The following ATXN7L3 variants were observed in gnomAD, a reference collection of about 807,000 sequenced individuals.
ATXN7L3 encodes the protein ataxin 7 like 3.
ATXN7L3 carries 6 observed loss-of-function variants against 50.0 expected under a neutral mutation model. The ratio of observed to expected loss-of-function variants is 0.12; its 90% confidence interval spans 0.07 to 0.24. The LOEUF is 0.24. Among genes scored for constraint, ATXN7L3 ranks in the 10% least tolerant of loss-of-function variants. ATXN7L3 has a pLI of 1.00. For missense variants in ATXN7L3, 322 were observed against 451.3 expected (o/e 0.71, Z 2.60); for synonymous variants, 198 against 165.8 (o/e 1.19, Z -1.49).
chr17:44,196,201 AG>A, intron 6 of ATXN7L3, 122 bp from the exon 7 acceptor site: 1 of 1,299,314 alleles, frequency 7.7e-7, no homozygotes, highest in Non-Finnish European at 1.1e-6. Flanking sequence ...CCTCCCCAGT[AG>A]GAGGCCTGTC....
intron 2 of ATXN7L3, 108 bp from the exon 3 acceptor site, chr17:44,197,838 G>T: frequency 6.4e-7 from 1 of 1,558,236 alleles, no homozygotes; most frequent in East Asian, 2.3e-5. Flanking sequence ...TGCTTTCTTT[G>T]CCATTTTCCC....
Position 44,199,615 on chromosome 17 carries a change from G to A in ATXN7L3, c.-180C>T, listed in dbSNP as rs1368397180. ...GTCGGTCCGTCCTCGCCTCTCCCCG[G>A]GGCCCAGGGCCCGGGGCCGGGGGGT... On this transcript the variant is annotated 5_prime_UTR_variant, in exon 1 of 13. Coordinates refer to ENST00000587097, the MANE Select transcript of ATXN7L3 (RefSeq NM_001382309.1). 1.4e-5 allele frequency: 2 copies of A among 146,238 alleles called. No homozygotes were observed. The highest frequency in any genetic ancestry group is 3.1e-5 in the Non-Finnish European group (2 of 65,426). 9.1% of individuals were successfully genotyped at this position (146,238 alleles called of 1,614,324 possible). A position where few individuals can be genotyped will look rare whatever the true frequency, so the allele number is the denominator to read the frequency against.
chr17:44,195,087 C>A lies in ATXN7L3; in HGVS notation c.665+10G>T. On this transcript the variant is annotated intron_variant, in intron 10 of 12. Coordinates refer to ENST00000587097, the MANE Select transcript of ATXN7L3 (RefSeq NM_001382309.1). ...AAGCGCCTGGCCCCCTTTCTAGGTTCTGTGCTCACCTTGTGCACATCTTCT... is the reference window on the plus strand; with the variant it reads ...AAGCGCCTGGCCCCCTTTCTAGGTTATGTGCTCACCTTGTGCACATCTTCT... 1.9e-6 allele frequency: 3 copies of A among 1,613,998 alleles called. No individual in the cohort carries two copies. The South Asian group carries it at 3.3e-5, about 18-fold the overall frequency.
rs571979527 is a variant in ATXN7L3, at chr17:44,194,180, C to T, written c.*83G>A. 36 of 1,528,444 alleles carry T rather than the reference C, an allele frequency of 2.4e-5. No homozygotes were observed. The highest frequency in any genetic ancestry group is 4.0e-5 in the Admixed American group (2 of 50,170). The allele number at this position is 1,528,444 out of a possible 1,614,324, so 94.7% of individuals were successfully genotyped here. ...TTCCCAAGCCCCAACCCCCAGCAGC[C>T]GTCCATTTGCCAGGCTATGCCACCT... On this transcript the variant is annotated 3_prime_UTR_variant, in exon 13 of 13. Transcript: ENST00000587097.
rs541650942 is a variant in ATXN7L3, at chr17:44,195,362, C to G, written c.621+57G>C. 13 of 1,554,646 alleles carry G rather than the reference C, an allele frequency of 8.4e-6. No individual in the cohort carries two copies. In the Admixed American group the frequency reaches 1.7e-4, roughly 20 times the overall value. The stretch of plus-strand genomic sequence containing the variant: ...CCAGCTTCCTCCCAGGCCTTGACCA[C>G]TGCCTATGGCTCCAGCCCACTCCCA... On this transcript the variant is annotated intron_variant, in intron 9 of 12. Coordinates refer to ENST00000587097, the MANE Select transcript of ATXN7L3 (RefSeq NM_001382309.1).
rs200695139 is a variant in ATXN7L3, at chr17:44,194,374, C to T, written c.933G>A (p.Lys311=). The T allele has an allele frequency of 1.2e-6, 2 of 1,614,200 alleles. No homozygotes were observed. Among genetic ancestry groups the T allele is most frequent in the Non-Finnish European group, 1.7e-6 (2 of 1,180,038 alleles). ...NSSESRKTKK[K]KSHLSLVGTA... is the part of the protein sequence containing the mutation. ...TCCCTACCAGGCTCAGATGGGATTT[C>T]TTTTTCTTGGTTTTCCGTGACTCAG... Residue 311 remains lysine (K), a synonymous_variant, in exon 13 of 13, where the codon AAG becomes AAA. Transcript: ENST00000587097.
chr17:44,196,822 C>T, intron 5 of ATXN7L3, 107 bp downstream of exon 5: 1 of 625,954 alleles, frequency 1.6e-6, no homozygotes, highest in Non-Finnish European at 2.8e-6. Flanking sequence ...CGCGTAACTA[C>T]ACTCTCTCTT....
intron 1 of ATXN7L3, chr17:44,199,175 C>CCCGG (rs1200223221): frequency 1.3e-5 from 2 of 151,854 alleles, no homozygotes; most frequent in African/African-American, 4.8e-5. Flanking sequence ...CGCCAGCAGC[C>CCCGG]CCGGCCGGCC....
rs912255913 is a variant in ATXN7L3, at chr17:44,192,423, A to T, written c.*1840T>A. On this transcript the variant is annotated 3_prime_UTR_variant, in exon 13 of 13. Transcript: ENST00000587097. ...AAAAGGGAGAGGCCACAGGGCAAAG[A>T]GTGTATTAGGGCCTGAGCTGCAGCT... is the stretch of plus-strand genomic sequence containing the variant. 2 of 152,152 alleles carry T rather than the reference A, an allele frequency of 1.3e-5. No individual in the cohort carries two copies. Among genetic ancestry groups the T allele is most frequent in the African/African-American group, 2.4e-5 (1 of 41,422 alleles). 9.4% of individuals were successfully genotyped at this position (152,152 alleles called of 1,614,324 possible). A position where few individuals can be genotyped will look rare whatever the true frequency, so the allele number is the denominator to read the frequency against.
intron 8 of ATXN7L3, 34 bp from the exon 9 acceptor site, chr17:44,195,521 G>C (rs767822295): frequency 1.3e-6 from 2 of 1,590,260 alleles, no homozygotes; most frequent in Non-Finnish European, 1.7e-6. Context: ...GTTAGAGATG[G>C]GGCAGAGAAA....
At chr17:44,195,631 C>A (rs1202733939) in intron 8 of ATXN7L3, 144 bp from the exon 9 acceptor site, 4 of 1,198,676 alleles carry the variant, frequency 3.3e-6, no homozygotes, top group Non-Finnish European at 4.9e-6. Flanking sequence ...TTCTCTCATC[C>A]CATCTGCCAA....
chr17:44,199,723 C>G lies in ATXN7L3; in HGVS notation c.-288G>C, dbSNP rs1235904389. ...TCTTGTCCCGTCGCCGCCTCCTCCT[C>G]CTCACCTCACCCCGCCCGCGCGCAG... On this transcript the variant is annotated 5_prime_UTR_variant, in exon 1 of 13. Coordinates refer to ENST00000587097, the MANE Select transcript of ATXN7L3 (RefSeq NM_001382309.1). 1 of 144,368 alleles carries G rather than the reference C, an allele frequency of 6.9e-6. No homozygotes were observed. Among genetic ancestry groups the G allele is most frequent in the Non-Finnish European group, 1.5e-5 (1 of 64,780 alleles). 8.9% of individuals were successfully genotyped at this position (144,368 alleles called of 1,614,324 possible). A position where few individuals can be genotyped will look rare whatever the true frequency, so the allele number is the denominator to read the frequency against.
At position 44,193,892 on chromosome 17, in the gene ATXN7L3, C is replaced by T. The variant is rs1313231363; in HGVS notation, c.*371G>A. The T allele has an allele frequency of 9.8e-6, 2 of 204,414 alleles. No individual in the cohort carries two copies. The allele number at this position is 204,414 out of a possible 1,614,324, so 12.7% of individuals were successfully genotyped here. A position where few individuals can be genotyped will look rare whatever the true frequency, so the allele number is the denominator to read the frequency against. On this transcript the variant is annotated 3_prime_UTR_variant, in exon 13 of 13. Transcript: ENST00000587097. ...ACAGCCTCCCGGGTCGCCACATTGC[C>T]CCTCAGCAGGGCTTAGTCCAGTTCC...
intron 1 of ATXN7L3, 157 bp from the exon 2 acceptor site, chr17:44,198,287 C>T (rs1416763608): frequency 3.6e-6 from 2 of 550,044 alleles, no homozygotes; most frequent in Non-Finnish European, 6.4e-6. Flanking sequence ...TCCTTCAAGG[C>T]CTGAAACCTA....
intron 11 of ATXN7L3, 45 bp downstream of exon 11, chr17:44,194,723 C>T (rs1431330320): frequency 3.1e-6 from 5 of 1,613,582 alleles, no homozygotes; most frequent in Non-Finnish European, 4.2e-6. Flanking sequence ...GTGATCATCG[C>T]CCTAACTGGT....
Position 44,195,781 on chromosome 17 carries a change from A to AG in ATXN7L3, c.552+18dup, listed in dbSNP as rs2055864773. ...AACCAGGACAATGAGAGCAAGCATG[A>AG]GGGGCGGCCCATACTCACCTTAAAA... On this transcript the variant is annotated intron_variant, in intron 8 of 12. Coordinates refer to ENST00000587097, the MANE Select transcript of ATXN7L3 (RefSeq NM_001382309.1). 6.3e-7 allele frequency: 1 copy of AG among 1,594,668 alleles called. No homozygotes were observed. The highest frequency in any genetic ancestry group is 1.1e-5 in the South Asian group (1 of 90,596).
intron 3 of ATXN7L3, 98 bp downstream of exon 3, chr17:44,197,500 G>A (rs1457845501): frequency 1.9e-6 from 3 of 1,588,026 alleles, no homozygotes; most frequent in South Asian, 1.1e-5. Context: ...CGGCTCACAG[G>A]AGCTCCAGGT....
intron 8 of ATXN7L3, 26 bp downstream of exon 8, chr17:44,195,774 A>C: frequency 6.3e-7 from 1 of 1,586,706 alleles, no homozygotes; most frequent in Non-Finnish European, 8.7e-7. Context: ...CAATGAGAGC[A>C]AGCATGAGGG....
Position 44,195,196 on chromosome 17 carries a change from A to C in ATXN7L3, c.622-56T>G. On this transcript the variant is annotated intron_variant, in intron 9 of 12. Transcript: ENST00000587097. Reference sequence around the variant, plus strand: ...ATGGAAGGAACCTACTCTAGATGTTAGATGTTTCTTTCTGTATAAATGCTA... The same window carrying C: ...ATGGAAGGAACCTACTCTAGATGTTCGATGTTTCTTTCTGTATAAATGCTA... 2 of 1,566,554 alleles carry C rather than the reference A, an allele frequency of 1.3e-6. 1 individual carries two copies. Among genetic ancestry groups the C allele is most frequent in the East Asian group, 4.5e-5 (2 of 44,626 alleles).
Sources: gnomAD v4.1 joint callset for allele counts on GRCh38, gnomAD v4.1.1 for gene constraint, MANE v1.5 for transcripts, NCBI Gene and HGNC (gene_info 2026-07-23, HGNC 2026-07-21) for gene names.